NENF: variants seen among roughly 807,000 people sequenced by gnomAD.
The protein encoded by NENF is neudesin neurotrophic factor.
In NENF, 6 loss-of-function variants were observed where a neutral mutation model predicts 14.8. The ratio of observed to expected loss-of-function variants is 0.40; its 90% CI spans 0.22 to 0.80. The LOEUF (loss-of-function observed/expected upper bound fraction) is 0.80, where lower values mean the gene tolerates loss of function less well. NENF is among the 30% of genes least tolerant of loss of function. NENF has a pLI of 0.34. For synonymous variants in NENF, 76 were observed against 95.1 expected (o/e 0.80, Z 1.17); for missense variants, 184 against 212.7 (o/e 0.87, Z 0.84).
chr1:212,443,439 T>C (rs941891507), intron 2 of NENF, among the ~76,000 whole-genome samples: 13 of 152,144 alleles, frequency 8.5e-5, no homozygotes, highest in Non-Finnish European at 1.6e-4. Context: ...ACAGTCTCGC[T>C]CTGTCGCCCA....
At chr1:212,445,303 C>G (rs1662762172) in intron 3 of NENF, among the ~76,000 whole-genome samples, 1 of 152,020 alleles carries the variant, frequency 6.6e-6, no homozygotes, top group South Asian at 2.1e-4. Context: ...CTAAATAATT[C>G]CAACAGTAAG....
At chr1:212,444,914 A>G (rs1662756390) in intron 3 of NENF, among the ~76,000 whole-genome samples, 1 of 152,176 alleles carries the variant, frequency 6.6e-6, no homozygotes, top group African/African-American at 2.4e-5. Flanking sequence ...TTGGGAAGAA[A>G]GGTCTCCCTC....
intron 1 of NENF, among the ~76,000 whole-genome samples, chr1:212,440,799 C>T (rs1469094654): frequency 2.0e-5 from 3 of 152,156 alleles, no homozygotes; most frequent in East Asian, 1.9e-4. Context: ...ATCATGAAAA[C>T]CCTTCACCAT....
intron 1 of NENF, among the ~76,000 whole-genome samples, chr1:212,441,129 C>A: frequency 6.6e-6 from 1 of 151,540 alleles, no homozygotes; most frequent in Non-Finnish European, 1.5e-5. Context: ...GCTAATAGAG[C>A]CAAAAAAAAG....
Position 212,446,085 on chromosome 1 carries a change from G to GC in NENF, c.*81dup. On this transcript the variant is annotated 3_prime_UTR_variant, in exon 4 of 4. Transcript: ENST00000366988. ...TGCTGAATCTCCTGCAAAACTGGCTGCCTGGAGGCCCTGAGCCACCCAGAT... is the reference window on the plus strand; with the variant it reads ...TGCTGAATCTCCTGCAAAACTGGCTGCCCTGGAGGCCCTGAGCCACCCAGAT... The GC allele has an allele frequency of 6.8e-7, 1 of 1,463,420 alleles. No individual in the cohort carries two copies. Among genetic ancestry groups the GC allele is most frequent in the South Asian group, 1.2e-5 (1 of 83,928 alleles). The allele number at this position is 1,463,420 out of a possible 1,614,324, so 90.7% of individuals were successfully genotyped here. A position where few individuals can be genotyped will look rare whatever the true frequency, so the allele number is the denominator to read the frequency against.
rs138659349 is a variant in NENF, at chr1:212,436,204, G to A, written c.177+3084G>A. 3.8e-3 allele frequency among the ~76,000 whole-genome samples: 579 copies of A among 152,116 alleles called. 2 individuals carry two copies. The highest frequency in any genetic ancestry group is 6.8e-3 in the Middle Eastern group (2 of 294). On this transcript the variant is annotated intron_variant, in intron 1 of 3. Transcript: ENST00000366988. ...GTTTATCATAAGGATTGGTTTACAC[G>A]ATAGCGGGGGCTGGCTGGGCAAATT...
chr1:212,433,154 G>C lies in NENF; in HGVS notation c.177+34G>C, dbSNP rs1662547211. The stretch of plus-strand genomic sequence containing the variant: ...GGGTGTCGCGGGCCGAGGGACCCGG[G>C]GTGGCGTCCGATCTGCGGCGAGCCG... On this transcript the variant is annotated intron_variant, in intron 1 of 3. Coordinates refer to ENST00000366988, the MANE Select transcript of NENF (RefSeq NM_013349.5). This position sits in a 1 kb window ranked among gnomAD's most constrained non-coding sequence, Gnocchi z 5.5. 8.7e-7 allele frequency: 1 copy of C among 1,145,126 alleles called. No individual in the cohort carries two copies. Among genetic ancestry groups the C allele is most frequent in the South Asian group, 4.3e-5 (1 of 23,292 alleles). The allele number at this position is 1,145,126 out of a possible 1,614,324, so 70.9% of individuals were successfully genotyped here.
At chr1:212,445,551 C>T (rs1662765020) in intron 3 of NENF, among the ~76,000 whole-genome samples, 2 of 152,006 alleles carry the variant, frequency 1.3e-5, no homozygotes, top group Admixed American at 1.3e-4. Flanking sequence ...TAGGGCATGC[C>T]CTGCCCCACC....
Position 212,442,548 on chromosome 1 carries a change from T to C in NENF, c.178-17T>C, listed in dbSNP as rs1342937814. On this transcript the variant is annotated splice_polypyrimidine_tract_variant and intron_variant, in intron 1 of 3. Coordinates refer to ENST00000366988, the MANE Select transcript of NENF (RefSeq NM_013349.5). The stretch of plus-strand genomic sequence containing the variant: ...GGCTCTTCCCTTCCTCTTCACAGCT[T>C]CTCCCCTGCTTTCTAGGAAGATCAG... 1 of 1,608,164 alleles carries C rather than the reference T, an allele frequency of 6.2e-7. No homozygotes were observed. The highest frequency in any genetic ancestry group is 8.5e-7 in the Non-Finnish European group (1 of 1,174,752).
In NENF at chr1:212,433,373, C is replaced by T. The variant is rs912233506; in HGVS notation, c.177+253C>T. Among the ~76,000 whole-genome samples the T allele has an allele frequency of 6.6e-6, 1 of 152,098 alleles. No homozygotes were observed. The highest frequency in any genetic ancestry group is 2.4e-5 in the African/African-American group (1 of 41,432). On this transcript the variant is annotated intron_variant, in intron 1 of 3. Transcript: ENST00000366988. The surrounding 1 kb of genome is among the most constrained non-coding windows in gnomAD (Gnocchi z 5.5). The stretch of plus-strand genomic sequence containing the variant: ...CACCCTGAACTTCTCCCTCGGTCCC[C>T]GGGAGATTTCCCCTCTAGCCGCCTT...
At chr1:212,445,267 A>T (rs1036375796) in intron 3 of NENF, among the ~76,000 whole-genome samples, 11 of 151,940 alleles carry the variant, frequency 7.2e-5, no homozygotes, top group East Asian at 5.8e-4. Flanking sequence ...AAAAAAAAAA[A>T]TTTGTTTTTT....
At position 212,442,578 on chromosome 1, in the gene NENF, T is replaced by C. The variant is rs1375493310; in HGVS notation, c.191T>C (p.Ile64Thr). 1 of 1,613,388 alleles carries C rather than the reference T, an allele frequency of 6.2e-7. No homozygotes were observed. Among genetic ancestry groups the C allele is most frequent in the Non-Finnish European group, 8.5e-7 (1 of 1,179,406 alleles). ...RYGGEEEDQP[I>T]YLAVKGVVFD... ...CCTGCTTTCTAGGAAGATCAGCCCA[T>C]CTACTTGGCAGTGAAGGGAGTGGTG... is the stretch of plus-strand genomic sequence containing the variant. Residue 64 changes from isoleucine (I) to threonine (T), a missense_variant, in exon 2 of 4, where the codon ATC becomes ACC. Coordinates refer to ENST00000366988, the MANE Select transcript of NENF (RefSeq NM_013349.5).
In NENF at chr1:212,442,556, G is replaced by C; in HGVS notation, c.178-9G>C. ...CCTTCCTCTTCACAGCTTCTCCCCTGCTTTCTAGGAAGATCAGCCCATCTA... is the reference window on the plus strand; with the variant it reads ...CCTTCCTCTTCACAGCTTCTCCCCTCCTTTCTAGGAAGATCAGCCCATCTA... On this transcript the variant is annotated splice_polypyrimidine_tract_variant and intron_variant, in intron 1 of 3. Transcript: ENST00000366988. The C allele has an allele frequency of 6.2e-7, 1 of 1,611,494 alleles. No individual in the cohort carries two copies. The highest frequency in any genetic ancestry group is 1.3e-5 in the African/African-American group (1 of 74,976).
chr1:212,433,493 G>C lies in NENF; in HGVS notation c.177+373G>C, dbSNP rs1271908087. 1.3e-5 allele frequency among the ~76,000 whole-genome samples: 2 copies of C among 152,088 alleles called. No individual in the cohort carries two copies. Among genetic ancestry groups the C allele is most frequent in the Non-Finnish European group, 2.9e-5 (2 of 67,998 alleles). On this transcript the variant is annotated intron_variant, in intron 1 of 3. Transcript: ENST00000366988. The surrounding 1 kb of genome is among the most constrained non-coding windows in gnomAD (Gnocchi z 5.5). ...CTGTGCCCACGCATAGTGGGGAGTG[G>C]CGGGGGACGGAGGGAGGGAAGCAGA...
At chr1:212,440,399 G>A (rs791721) in intron 1 of NENF, among the ~76,000 whole-genome samples, 66,768 of 151,924 alleles carry the variant, frequency 0.44, 15,309 homozygotes, top group East Asian at 0.68. Context: ...AATAATCAAA[G>A]CTGAGGAATA....
chr1:212,440,948 C>T (rs1398259999), intron 1 of NENF, among the ~76,000 whole-genome samples: 1 of 152,184 alleles, frequency 6.6e-6, no homozygotes, highest in African/African-American at 2.4e-5. Flanking sequence ...GGCTGATGCC[C>T]CTGCACCTCT....
chr1:212,441,737 C>A (rs960065065), intron 1 of NENF, among the ~76,000 whole-genome samples: 7 of 151,974 alleles, frequency 4.6e-5, no homozygotes, highest in Non-Finnish European at 7.4e-5. Context: ...AGTGAGCTGA[C>A]ATTGCGCCAT....
intron 1 of NENF, among the ~76,000 whole-genome samples, chr1:212,439,940 A>T (rs935575198): frequency 4.6e-5 from 7 of 152,098 alleles, no homozygotes; most frequent in Admixed American, 3.9e-4. Context: ...TTATATTTAT[A>T]TGGCTGTTTG....
chr1:212,438,779 G>A (rs1662648607), intron 1 of NENF, among the ~76,000 whole-genome samples: 1 of 152,010 alleles, frequency 6.6e-6, no homozygotes, highest in South Asian at 2.1e-4. Context: ...ACCACACCCG[G>A]CTAATTTTTG....
Sources: gnomAD v4.1 joint callset for allele counts (sites outside exome capture counted in the v4.1 genomes callset) on GRCh38, gnomAD v4.1.1 for gene constraint, Gnocchi (gnomAD v3.1) non-coding constraint, MANE v1.5 for transcripts, NCBI Gene and HGNC (gene_info 2026-07-23, HGNC 2026-07-21) for gene names.